Variants in KCNMA1 observed in about 807,000 individuals in gnomAD.
KCNMA1 encodes potassium calcium-activated channel subfamily M alpha 1, also known as Calcium-activated potassium channel subunit alpha-1.
A neutral mutation model predicts 140.0 loss-of-function variants in KCNMA1; 29 were observed. The observed-to-expected ratio is 0.21, with a 90% confidence interval of 0.15 to 0.28. The LOEUF is 0.28. KCNMA1 is among the 10% of genes least tolerant of loss of function. The probability of loss-of-function intolerance (pLI) is 1.00; values close to 1 mark genes in which losing one functional copy is unlikely to be tolerated. For missense variants in KCNMA1, 880 were observed against 1,602.2 expected (o/e 0.55, Z 7.70); for synonymous variants, 612 against 611.9 (o/e 1.00, Z 0.00).
intron 20 of KCNMA1, among the ~76,000 whole-genome samples, chr10:76,959,162 G>A (rs868185524): frequency 6.6e-5 from 10 of 152,112 alleles, no homozygotes; most frequent in African/African-American, 1.2e-4. Context: ...ACTTCTCTCC[G>A]TCTTTAACTT....
At chr10:77,583,120 C>T (rs1656488590) in intron 1 of KCNMA1, among the ~76,000 whole-genome samples, 1 of 152,236 alleles carries the variant, frequency 6.6e-6, no homozygotes, top group Non-Finnish European at 1.5e-5. Flanking sequence ...AGCAGGGCTG[C>T]TCTTGCCAAT....
chr10:77,210,607 AAAG>A (rs2045748219), intron 3 of KCNMA1, among the ~76,000 whole-genome samples: 1 of 152,236 alleles, frequency 6.6e-6, no homozygotes, highest in Non-Finnish European at 1.5e-5. Context: ...CCAAATAGGA[AAAG>A]AAGAAGTCAA....
chr10:77,259,956 G>A lies in KCNMA1; in HGVS notation c.541-8700C>T, dbSNP rs60646059. ...GTATTTGTTAAATAAATAAATATGT[G>A]GAGAAAAGGCTGGAGAATTAGTTTG... On this transcript the variant is annotated intron_variant, in intron 2 of 27. Coordinates refer to ENST00000286628, the MANE Select transcript of KCNMA1 (RefSeq NM_001161352.2). 3.3e-3 allele frequency among the ~76,000 whole-genome samples: 504 copies of A among 152,304 alleles called. 4 individuals carry two copies. Among genetic ancestry groups the A allele is most frequent in the African/African-American group, 0.012 (486 of 41,558 alleles).
intron 2 of KCNMA1, among the ~76,000 whole-genome samples, chr10:77,333,675 C>T (rs988874210): frequency 1.3e-5 from 2 of 152,204 alleles, no homozygotes; most frequent in African/African-American, 4.8e-5. Flanking sequence ...ATTCCTTGAG[C>T]AGTATCTCCC....
intron 14 of KCNMA1, among the ~76,000 whole-genome samples, chr10:77,047,617 G>A (rs1227128471): frequency 1.4e-5 from 2 of 147,596 alleles, no homozygotes; most frequent in Non-Finnish European, 3.0e-5. Context: ...ACACATAGAA[G>A]GTTTTGCCAC....
intron 5 of KCNMA1, among the ~76,000 whole-genome samples, chr10:77,181,976 C>T (rs1230025198): frequency 1.3e-5 from 2 of 151,978 alleles, no homozygotes; most frequent in African/African-American, 2.4e-5. Context: ...ACCACACATA[C>T]TATATTAAGA....
At chr10:77,607,539 G>C (rs549220404) in intron 1 of KCNMA1, among the ~76,000 whole-genome samples, 1 of 152,120 alleles carries the variant, frequency 6.6e-6, no homozygotes, top group Non-Finnish European at 1.5e-5. Flanking sequence ...CAATCACAAA[G>C]GTCCTTCAAA....
At chr10:77,485,969 A>G (rs1045192822) in intron 1 of KCNMA1, among the ~76,000 whole-genome samples, 1 of 152,102 alleles carries the variant, frequency 6.6e-6, no homozygotes, top group East Asian at 1.9e-4. Context: ...CTGGGCAACT[A>G]TAAGTGTTTA....
intron 2 of KCNMA1, among the ~76,000 whole-genome samples, chr10:77,316,209 C>A (rs190743798): frequency 3.4e-4 from 52 of 152,122 alleles, no homozygotes; most frequent in Non-Finnish European, 8.8e-5. Flanking sequence ...GAAGGTTCAA[C>A]AACACCAATT....
chr10:76,999,507 C>T (rs973200313), intron 19 of KCNMA1, among the ~76,000 whole-genome samples: 7 of 152,216 alleles, frequency 4.6e-5, no homozygotes, highest in Admixed American at 1.3e-4. Flanking sequence ...CATGCCACCT[C>T]AGGCCCTCCT....
At chr10:77,034,548 T>C (rs941406034) in intron 15 of KCNMA1, among the ~76,000 whole-genome samples, 1 of 152,202 alleles carries the variant, frequency 6.6e-6, no homozygotes, top group Non-Finnish European at 1.5e-5. Context: ...GTTGAGAGCA[T>C]GATTTTCTGA....
At chr10:77,633,939 G>A (rs149575953) in intron 1 of KCNMA1, among the ~76,000 whole-genome samples, 5 of 152,322 alleles carry the variant, frequency 3.3e-5, no homozygotes, top group African/African-American at 1.2e-4. Context: ...ATTCCTAAAG[G>A]AATTGCTAGG....
chr10:76,938,779 C>T (rs2061221374), intron 23 of KCNMA1, among the ~76,000 whole-genome samples: 1 of 152,156 alleles, frequency 6.6e-6, no homozygotes, highest in Non-Finnish European at 1.5e-5. Flanking sequence ...TGTACTTGTC[C>T]CTGTCCCTCT....
intron 3 of KCNMA1, among the ~76,000 whole-genome samples, chr10:77,247,979 A>G (rs534282844): frequency 6.6e-6 from 1 of 152,306 alleles, no homozygotes; most frequent in South Asian, 2.1e-4. Flanking sequence ...AGGTTCATTA[A>G]GATCAGACCC....
intron 1 of KCNMA1, among the ~76,000 whole-genome samples, chr10:77,552,739 T>C (rs1175932398): frequency 6.6e-6 from 1 of 152,136 alleles, no homozygotes; most frequent in Admixed American, 6.5e-5. Context: ...ATGCAGCCCA[T>C]GAACACATTT....
At chr10:77,110,834 A>T (rs1046426914) in intron 7 of KCNMA1, among the ~76,000 whole-genome samples, 2 of 152,124 alleles carry the variant, frequency 1.3e-5, no homozygotes, top group Non-Finnish European at 2.9e-5. Context: ...TCCAAAGAGT[A>T]TATATGGGCC....
chr10:77,531,674 A>G (rs989137256), intron 1 of KCNMA1, among the ~76,000 whole-genome samples: 7 of 152,244 alleles, frequency 4.6e-5, no homozygotes, highest in Admixed American at 4.6e-4. Flanking sequence ...GTGAACACAG[A>G]AACACCCGGC....
intron 1 of KCNMA1, among the ~76,000 whole-genome samples, chr10:77,569,733 G>A (rs2070139447): frequency 6.6e-6 from 1 of 152,222 alleles, no homozygotes; most frequent in Non-Finnish European, 1.5e-5. Flanking sequence ...AAAATTGACA[G>A]ATGGGATCTA....
At chr10:77,222,156 TCTCCC>T (rs1365291874) in intron 3 of KCNMA1, among the ~76,000 whole-genome samples, 1 of 152,158 alleles carries the variant, frequency 6.6e-6, no homozygotes, top group Non-Finnish European at 1.5e-5. Context: ...GAGACGCTGC[TCTCCC>T]ATCTTTGGGA....
Sources: allele counts gnomAD v4.1 joint callset (sites outside exome capture counted in the v4.1 genomes callset), GRCh38; gene constraint gnomAD v4.1.1; transcripts MANE v1.5; gene names NCBI Gene and HGNC (gene_info 2026-07-23, HGNC 2026-07-21).